Variants in CACNA1A observed in about 807,000 individuals in gnomAD.
The protein encoded by CACNA1A is voltage-dependent P/Q-type calcium channel subunit alpha-1A.
In CACNA1A, 57 loss-of-function variants were observed where a neutral mutation model predicts 262.4. The ratio of observed to expected loss-of-function variants is 0.22; its 90% confidence interval spans 0.18 to 0.27. The LOEUF is 0.27. Ranked by LOEUF, CACNA1A falls within the 10% of genes least tolerant of loss-of-function variation. The pLI is 1.00. For missense variants in CACNA1A, 2,526 were observed against 3,562.8 expected (o/e 0.71, Z 7.41); for synonymous variants, 1,431 against 1,419.3 (o/e 1.01, Z -0.18).
chr19:13,432,403 A>C (rs1248948622), intron 3 of CACNA1A, among the ~76,000 whole-genome samples: 1 of 149,388 alleles, frequency 6.7e-6, no homozygotes, highest in African/African-American at 2.5e-5. Flanking sequence ...TGACAGAGCG[A>C]GACTCCATCT....
At chr19:13,249,579 T>G (rs1443452629) in intron 30 of CACNA1A, among the ~76,000 whole-genome samples, 1 of 152,108 alleles carries the variant, frequency 6.6e-6, no homozygotes, top group African/African-American at 2.4e-5. Flanking sequence ...GGTCTCAGAC[T>G]CCTGGGCTCA....
chr19:13,215,885 C>G (rs1337519337), intron 38 of CACNA1A, among the ~76,000 whole-genome samples: 1 of 152,044 alleles, frequency 6.6e-6, no homozygotes, highest in Non-Finnish European at 1.5e-5. Context: ...GGCTGGGACG[C>G]CCTGGAGCAT....
rs147766091 is a variant in CACNA1A at position 13,321,429 on chromosome 19, T to C, written c.1346-4108A>G. Among the ~76,000 whole-genome samples, 849 of 152,280 alleles carry C rather than the reference T, an allele frequency of 5.6e-3. 9 individuals carry two copies. The highest frequency in any genetic ancestry group is 6.2e-3 in the Non-Finnish European group (421 of 68,036). ...CAATTTATATACGCTTAAAATTATA[T>C]GTAAATTGTAATACAGCCATGTGTG... is the stretch of plus-strand genomic sequence containing the variant. On this transcript the variant is annotated intron_variant, in intron 10 of 46. Coordinates refer to ENST00000360228, the MANE Select transcript of CACNA1A (RefSeq NM_001127222.2).
At chr19:13,461,950 A>G (rs1243747258) in intron 1 of CACNA1A, among the ~76,000 whole-genome samples, 1 of 152,148 alleles carries the variant, frequency 6.6e-6, no homozygotes, top group Admixed American at 6.5e-5. Context: ...TACACAATGA[A>G]ATTGATCAGG....
chr19:13,430,819 A>G (rs937525568), intron 3 of CACNA1A, among the ~76,000 whole-genome samples: 2 of 152,000 alleles, frequency 1.3e-5, no homozygotes, highest in Non-Finnish European at 2.9e-5. Flanking sequence ...TTAAGCCTAG[A>G]GGCGGGGAGT....
At chr19:13,418,232 T>G (rs1387827708) in intron 3 of CACNA1A, among the ~76,000 whole-genome samples, 1 of 152,148 alleles carries the variant, frequency 6.6e-6, no homozygotes, top group Non-Finnish European at 1.5e-5. Flanking sequence ...GGAATGAAGC[T>G]TCCATGAAGT....
intron 3 of CACNA1A, among the ~76,000 whole-genome samples, chr19:13,424,924 C>T (rs1357554589): frequency 6.6e-6 from 1 of 152,128 alleles, no homozygotes; most frequent in East Asian, 1.9e-4. Flanking sequence ...CCTGCCTCAG[C>T]CTCCCAAGTA....
intron 6 of CACNA1A, among the ~76,000 whole-genome samples, chr19:13,347,068 T>TTTG (rs1555770843): frequency 3.5e-4 from 6 of 16,910 alleles, no homozygotes; most frequent in South Asian, 4.2e-3. Flanking sequence ...TGTTTTTTTG[T>TTTG]TTTTTTTTTT....
intron 24 of CACNA1A, chr19:13,274,818 G>C (rs1374687589): frequency 6.6e-6 from 1 of 152,138 alleles, no homozygotes; most frequent in Non-Finnish European, 1.5e-5. Context: ...GGTCACCTTC[G>C]AGTAGCCATC....
chr19:13,383,770 G>C (rs932817577), intron 3 of CACNA1A, among the ~76,000 whole-genome samples: 1 of 152,214 alleles, frequency 6.6e-6, no homozygotes, highest in Non-Finnish European at 1.5e-5. Flanking sequence ...CCTAGCTAAA[G>C]AGATCCTGCC....
rs187364759 is a variant in CACNA1A at position 13,351,743 on chromosome 19, C to T, written c.978+7863G>A. Reference sequence around the variant, plus strand: ...CAGGCTGGTCTCGAATTCCTGACCTCGTGATCCACCCGCCTCGGCCTCCCA... The same window carrying T: ...CAGGCTGGTCTCGAATTCCTGACCTTGTGATCCACCCGCCTCGGCCTCCCA... On this transcript the variant is annotated intron_variant, in intron 6 of 46. Transcript: ENST00000360228. 2.6e-4 allele frequency among the ~76,000 whole-genome samples: 40 copies of T among 152,178 alleles called. No individual in the cohort carries two copies. In the East Asian group the frequency reaches 5.4e-3, roughly 21 times the overall value.
chr19:13,301,094 CA>C (rs1254693364), intron 17 of CACNA1A, among the ~76,000 whole-genome samples: 1 of 151,966 alleles, frequency 6.6e-6, no homozygotes, highest in Non-Finnish European at 1.5e-5. Flanking sequence ...ACTACAGGTG[CA>C]TGCCACTATG....
At chr19:13,221,567 G>A (rs2055233574) in intron 38 of CACNA1A, among the ~76,000 whole-genome samples, 1 of 151,866 alleles carries the variant, frequency 6.6e-6, no homozygotes, top group Admixed American at 6.6e-5. Context: ...TCTCTGCCCT[G>A]CTGTCCTTAA....
chr19:13,353,665 G>A (rs1174115716), intron 6 of CACNA1A, among the ~76,000 whole-genome samples: 2 of 152,156 alleles, frequency 1.3e-5, no homozygotes, highest in Non-Finnish European at 2.9e-5. Flanking sequence ...GTTGAGCTTA[G>A]ATTTCTTCAA....
Position 13,222,394 on chromosome 19 carries a change from C to CTT in CACNA1A, c.5731+2271_5731+2272dup, listed in dbSNP as rs71168689. On this transcript the variant is annotated intron_variant, in intron 38 of 46. Coordinates refer to ENST00000360228, the MANE Select transcript of CACNA1A (RefSeq NM_001127222.2). Reference sequence around the variant, plus strand: ...GAGCCACCATGTCCAGCCTTCTCGGCTTTTTTTTTTTTTTTTTTTCAGATG... The same window carrying CTT: ...GAGCCACCATGTCCAGCCTTCTCGGCTTTTTTTTTTTTTTTTTTTTTCAGATG... Among the ~76,000 whole-genome samples, 117 of 91,164 alleles carry CTT rather than the reference C, an allele frequency of 1.3e-3. 4 individuals are homozygous for CTT. Among genetic ancestry groups the CTT allele is most frequent in the African/African-American group, 3.1e-3 (69 of 22,008 alleles). The allele number at this position is 91,164 out of a possible 152,430, so 59.8% of individuals were successfully genotyped here.
chr19:13,337,637 G>A (rs1167548002), intron 6 of CACNA1A, among the ~76,000 whole-genome samples: 1 of 152,166 alleles, frequency 6.6e-6, no homozygotes, highest in Admixed American at 6.6e-5. Flanking sequence ...ATTTTGGGGT[G>A]AGACAATAAA....
intron 6 of CACNA1A, among the ~76,000 whole-genome samples, chr19:13,354,570 TAG>T (rs1384909696): frequency 2.0e-5 from 3 of 152,100 alleles, no homozygotes; most frequent in South Asian, 2.1e-4. Flanking sequence ...GTTTTAGGGG[TAG>T]AGAGAGGGGT....
At chr19:13,334,864 T>A (rs1282876071) in intron 7 of CACNA1A, among the ~76,000 whole-genome samples, 1 of 151,670 alleles carries the variant, frequency 6.6e-6, no homozygotes, top group Non-Finnish European at 1.5e-5. Context: ...GTGGGCCCCA[T>A]CTCTATGAAA....
chr19:13,375,794 AAAAC>A (rs370712558), intron 3 of CACNA1A, among the ~76,000 whole-genome samples: 320 of 152,206 alleles, frequency 2.1e-3, no homozygotes, highest in Middle Eastern at 0.01. Context: ...TCTCAAAAAC[AAAAC>A]AAACAAACAA....
Sources: gnomAD v4.1 joint callset for allele counts (sites outside exome capture counted in the v4.1 genomes callset) on GRCh38, gnomAD v4.1.1 for gene constraint, MANE v1.5 for transcripts, NCBI Gene and HGNC (gene_info 2026-07-23, HGNC 2026-07-21) for gene names.